Variants in ATF6 observed in about 807,000 individuals in gnomAD.
ATF6 encodes cyclic AMP-dependent transcription factor ATF-6 alpha.
Under a neutral mutation model 83.6 loss-of-function variants are expected in ATF6, and 53 were observed. The observed-to-expected ratio is 0.63, with a 90% CI of 0.51 to 0.80. The LOEUF (loss-of-function observed/expected upper bound fraction) is 0.80, where lower values mean the gene tolerates loss of function less well. ATF6 is among the 30% of genes least tolerant of loss of function. The pLI is 0.00. For missense variants in ATF6, 744 were observed against 797.9 expected, an observed-to-expected ratio of 0.93 and a Z score of 0.81; for synonymous variants, 288 against 285.8, an observed-to-expected ratio of 1.01 and a Z score of -0.08.
chr1:161,851,141 TACACACACAC>T (rs35398462), intron 10 of ATF6, among the ~76,000 whole-genome samples: 5 of 135,874 alleles, frequency 3.7e-5, no homozygotes, highest in Non-Finnish European at 7.8e-5. Context: ...ATCCTTAACA[TACACACACAC>T]ACACACACAC....
At position 161,834,630 on chromosome 1, in the gene ATF6, TGGGGGGA is replaced by T. The variant is rs1686164980; in HGVS notation, c.1188-11808_1188-11802del. On this transcript the variant is annotated intron_variant, in intron 9 of 15. Coordinates refer to ENST00000367942, the MANE Select transcript of ATF6 (RefSeq NM_007348.4). Reference sequence around the variant, plus strand: ...TCACACACTGGAGACTGTTGTGGTGTGGGGGGAGGGGGGAGGGATAGCATTAGGAGAT... The same window carrying T: ...TCACACACTGGAGACTGTTGTGGTGTGGGGGGAGGGATAGCATTAGGAGAT... 9.5e-5 allele frequency among the ~76,000 whole-genome samples: 5 copies of T among 52,368 alleles called. 1 individual carries two copies. In the South Asian group the frequency reaches 4.0e-3, roughly 42 times the overall value. The allele number at this position is 52,368 out of a possible 152,430, so 34.4% of individuals were successfully genotyped here.
chr1:161,855,961 G>A (rs1686748863), intron 12 of ATF6, among the ~76,000 whole-genome samples: 1 of 152,118 alleles, frequency 6.6e-6, no homozygotes, highest in Non-Finnish European at 1.5e-5. Flanking sequence ...ATTATTTCAG[G>A]GTGATCCCTA....
At chr1:161,842,176 G>A (rs1686373519) in intron 9 of ATF6, among the ~76,000 whole-genome samples, 1 of 152,052 alleles carries the variant, frequency 6.6e-6, no homozygotes, top group Non-Finnish European at 1.5e-5. Context: ...TGAATCTATT[G>A]TAAAAATGTG....
intron 9 of ATF6, among the ~76,000 whole-genome samples, chr1:161,829,670 A>C (rs535342996): frequency 2.1e-4 from 32 of 152,268 alleles, no homozygotes; most frequent in African/African-American, 7.2e-4. Context: ...CAATAAATGT[A>C]ATCCAGCATA....
In ATF6 at chr1:161,826,339, AATG is replaced by A. The variant is rs542259436; in HGVS notation, c.1187+5181_1187+5183del. ...GACAAAAAATTTTTAAAAATGAATT[AATG>A]ATCTTCACAGCTGCTGAAGTAAAGG... On this transcript the variant is annotated intron_variant, in intron 9 of 15. Coordinates refer to ENST00000367942, the MANE Select transcript of ATF6 (RefSeq NM_007348.4). Among the ~76,000 whole-genome samples the A allele has an allele frequency of 2.7e-3, 417 of 152,262 alleles. 1 individual carries two copies. The highest frequency in any genetic ancestry group is 9.7e-3 in the African/African-American group (404 of 41,546).
At position 161,851,710 on chromosome 1, in the gene ATF6, T is replaced by A; in HGVS notation, c.1320-12T>A. The A allele has an allele frequency of 1.3e-6, 2 of 1,590,422 alleles. No homozygotes were observed. Among genetic ancestry groups the A allele is most frequent in the Non-Finnish European group, 1.7e-6 (2 of 1,161,130 alleles). On this transcript the variant is annotated splice_polypyrimidine_tract_variant and intron_variant, in intron 10 of 15. Coordinates refer to ENST00000367942, the MANE Select transcript of ATF6 (RefSeq NM_007348.4). ...GATACAAGGAAACAAATTTTGTGCA[T>A]CCATGTTTCAGATATGATCATTCTG... is the stretch of plus-strand genomic sequence containing the variant.
At chr1:161,780,093 A>G (rs530093334) in intron 2 of ATF6, among the ~76,000 whole-genome samples, 1 of 152,196 alleles carries the variant, frequency 6.6e-6, no homozygotes, top group South Asian at 2.1e-4. Flanking sequence ...AGTGAAGGAG[A>G]TTGATTTTTT....
intron 15 of ATF6, among the ~76,000 whole-genome samples, chr1:161,937,266 C>T (rs1215639622): frequency 6.6e-6 from 1 of 150,960 alleles, no homozygotes; most frequent in Non-Finnish European, 1.5e-5. Flanking sequence ...ATCACGTGAA[C>T]CCAGGCAGCG....
At chr1:161,893,022 G>A (rs1447194989) in intron 14 of ATF6, among the ~76,000 whole-genome samples, 1 of 152,114 alleles carries the variant, frequency 6.6e-6, no homozygotes, top group Non-Finnish European at 1.5e-5. Flanking sequence ...TCAACAGTAA[G>A]CTATATGGTT....
intron 14 of ATF6, among the ~76,000 whole-genome samples, chr1:161,882,022 T>C (rs535915439): frequency 6.6e-6 from 1 of 152,286 alleles, no homozygotes; most frequent in Admixed American, 6.5e-5. Context: ...TTCAATGCTG[T>C]GTTTTCACCT....
chr1:161,802,277 G>GT lies in ATF6; in HGVS notation c.909+9dup, dbSNP rs1489855537. The GT allele has an allele frequency of 6.2e-7, 1 of 1,612,434 alleles. No homozygotes were observed. Among genetic ancestry groups the GT allele is most frequent in the African/African-American group, 1.3e-5 (1 of 74,882 alleles). ...ATGAGAAATGTCGGTTCAGATGTAAGTTTTGAAACTTAGTGCTTCTCTTAA... is the reference window on the plus strand; with the variant it reads ...ATGAGAAATGTCGGTTCAGATGTAAGTTTTTGAAACTTAGTGCTTCTCTTAA... On this transcript the variant is annotated splice_donor_region_variant and intron_variant, in intron 7 of 15. Coordinates refer to ENST00000367942, the MANE Select transcript of ATF6 (RefSeq NM_007348.4).
intron 15 of ATF6, among the ~76,000 whole-genome samples, chr1:161,945,068 C>T (rs988817053): frequency 3.9e-5 from 6 of 152,136 alleles, no homozygotes; most frequent in Non-Finnish European, 8.8e-5. Context: ...CAGGAGGCAC[C>T]GTCCTAAGCT....
rs775960355 is a variant in ATF6, at chr1:161,821,052, T to C, written c.1096-18T>C. On this transcript the variant is annotated intron_variant, in intron 8 of 15. Coordinates refer to ENST00000367942, the MANE Select transcript of ATF6 (RefSeq NM_007348.4). Reference sequence around the variant, plus strand: ...TCGATGTTAGTTTAATTGTATTTAATGTGGTCATTTCCTTTAGAACCAGAG... The same window carrying C: ...TCGATGTTAGTTTAATTGTATTTAACGTGGTCATTTCCTTTAGAACCAGAG... 1 of 1,550,150 alleles carries C rather than the reference T, an allele frequency of 6.5e-7. No individual in the cohort carries two copies. The highest frequency in any genetic ancestry group is 1.2e-5 in the South Asian group (1 of 85,926).
intron 8 of ATF6, 118 bp downstream of exon 8, chr1:161,819,936 G>A (rs188426759): frequency 6.2e-5 from 62 of 1,001,208 alleles, no homozygotes; most frequent in Admixed American, 1.1e-4. Flanking sequence ...AGGAAAAGGA[G>A]GGTATAATAA....
intron 9 of ATF6, among the ~76,000 whole-genome samples, chr1:161,837,964 A>G (rs2101808990): frequency 6.6e-6 from 1 of 152,358 alleles, no homozygotes; most frequent in Non-Finnish European, 1.5e-5. Flanking sequence ...AATATGTGGC[A>G]GAGATCAGAA....
At chr1:161,885,186 T>A (rs1050055437) in intron 14 of ATF6, among the ~76,000 whole-genome samples, 2 of 152,182 alleles carry the variant, frequency 1.3e-5, no homozygotes, top group Non-Finnish European at 2.9e-5. Context: ...TTCTTACATC[T>A]TCTTCTCTCA....
At chr1:161,877,113 A>C (rs1194378265) in intron 14 of ATF6, among the ~76,000 whole-genome samples, 1 of 152,088 alleles carries the variant, frequency 6.6e-6, no homozygotes, top group Non-Finnish European at 1.5e-5. Context: ...CCATTATTCT[A>C]CTACTAGATC....
chr1:161,919,062 C>T (rs541865576), intron 15 of ATF6, among the ~76,000 whole-genome samples: 2 of 152,218 alleles, frequency 1.3e-5, no homozygotes, highest in South Asian at 2.1e-4. Context: ...TTAGAAATCA[C>T]GTCATATCAT....
In ATF6 at chr1:161,937,971, A is replaced by G. The variant is rs561348549; in HGVS notation, c.1805-20475A>G. 1.4e-4 allele frequency among the ~76,000 whole-genome samples: 22 copies of G among 152,152 alleles called. No homozygotes were observed. In the South Asian group the frequency reaches 4.6e-3, roughly 32 times the overall value. On this transcript the variant is annotated intron_variant, in intron 15 of 15. Coordinates refer to ENST00000367942, the MANE Select transcript of ATF6 (RefSeq NM_007348.4). ...ACTCAGAGTCAAAGCTAAAGCCCTGACAATTGCCTGCACAACTCTACATGG... is the reference window on the plus strand; with the variant it reads ...ACTCAGAGTCAAAGCTAAAGCCCTGGCAATTGCCTGCACAACTCTACATGG...
Sources: allele counts gnomAD v4.1 joint callset (sites outside exome capture counted in the v4.1 genomes callset), GRCh38; gene constraint gnomAD v4.1.1; transcripts MANE v1.5; gene names NCBI Gene and HGNC (gene_info 2026-07-23, HGNC 2026-07-21).